Variants in RPS6KA2 observed in about 807,000 individuals in gnomAD.
The protein encoded by RPS6KA2 is ribosomal protein S6 kinase alpha-2.
Under a neutral mutation model 91.8 loss-of-function variants are expected in RPS6KA2, and 42 were observed. That is an observed-to-expected ratio of 0.46 (90% CI 0.36 to 0.59). RPS6KA2 has a LOEUF of 0.59. Ranked by LOEUF, RPS6KA2 falls within the 20% of genes least tolerant of loss-of-function variation. The pLI is 0.00. For missense variants in RPS6KA2, 798 were observed against 978.5 expected (o/e 0.82, Z 2.46); for synonymous variants, 414 against 393.6 (o/e 1.05, Z -0.61).
At chr6:166,638,343 G>T (rs1346701798) in intron 2 of RPS6KA2, among the ~76,000 whole-genome samples, 1 of 152,220 alleles carries the variant, frequency 6.6e-6, no homozygotes, top group Non-Finnish European at 1.5e-5. Flanking sequence ...CCAGGAGAGA[G>T]CAGTGAATGT....
At chr6:166,424,967 A>G (rs1778855247) in intron 16 of RPS6KA2, among the ~76,000 whole-genome samples, 1 of 152,246 alleles carries the variant, frequency 6.6e-6, no homozygotes, top group South Asian at 2.1e-4. Context: ...ACAACTGAAA[A>G]GATGCAGATA....
In RPS6KA2 at chr6:166,825,124, C is replaced by T. The variant is rs1202621; in HGVS notation, c.123+33076G>A. On this transcript the variant is annotated intron_variant, in intron 2 of 21. Transcript: ENST00000503859. The surrounding 1 kb of genome is among the most constrained non-coding windows in gnomAD (Gnocchi z 4.1). ...CCTCTAAAAACCCTTTTACAAATGT[C>T]GCTTTCATGATCAGGAATCCATTTC... is the stretch of plus-strand genomic sequence containing the variant. Among the ~76,000 whole-genome samples the T allele has an allele frequency of 6.6e-6, 1 of 152,040 alleles. No homozygotes were observed. The highest frequency in any genetic ancestry group is 1.5e-5 in the Non-Finnish European group (1 of 68,004).
Position 166,660,231 on chromosome 6 carries a change from C to T in RPS6KA2, c.124-121447G>A, listed in dbSNP as rs1788121799. ...AACTAAAGAATCCATAATTGTACTGCCCATAAGTAATCAGTGCTATTGTTC... is the reference window on the plus strand; with the variant it reads ...AACTAAAGAATCCATAATTGTACTGTCCATAAGTAATCAGTGCTATTGTTC... On this transcript the variant is annotated intron_variant, in intron 2 of 21. Transcript: ENST00000503859. Among the ~76,000 whole-genome samples, 3 of 152,234 alleles carry T rather than the reference C, an allele frequency of 2.0e-5. No individual in the cohort carries two copies. In the East Asian group the frequency reaches 5.8e-4, roughly 29 times the overall value.
At chr6:166,656,446 C>T (rs1243906735) in intron 2 of RPS6KA2, among the ~76,000 whole-genome samples, 2 of 152,200 alleles carry the variant, frequency 1.3e-5, no homozygotes, top group Non-Finnish European at 2.9e-5. Flanking sequence ...CCTCCCCTGC[C>T]CTGCCTGAGT....
intron 8 of RPS6KA2, among the ~76,000 whole-genome samples, chr6:166,496,759 G>T (rs374405920): frequency 6.6e-6 from 1 of 152,226 alleles, no homozygotes; most frequent in Non-Finnish European, 1.5e-5. Context: ...GCCCTTTCAG[G>T]GAGCCTGGAT....
intron 1 of RPS6KA2, among the ~76,000 whole-genome samples, chr6:166,550,138 T>A (rs1018091261): frequency 1.3e-5 from 2 of 152,210 alleles, no homozygotes; most frequent in African/African-American, 4.8e-5. Context: ...AGTGATAGTA[T>A]TAGAAAATAT....
chr6:166,631,991 G>A (rs1787093333), upstream of RPS6KA2, among the ~76,000 whole-genome samples: 2 of 152,266 alleles, frequency 1.3e-5, no homozygotes, highest in Non-Finnish European at 2.9e-5. Flanking sequence ...GCTCCTCTCC[G>A]CACATTTCCA....
At chr6:166,773,498 T>C (rs971943321) in intron 2 of RPS6KA2, among the ~76,000 whole-genome samples, 29 of 152,232 alleles carry the variant, frequency 1.9e-4, no homozygotes, top group African/African-American at 7.0e-4. Context: ...GCCCCCCAGG[T>C]TCCAGTGATT....
At chr6:166,778,760 C>G (rs1282126970) in intron 2 of RPS6KA2, among the ~76,000 whole-genome samples, 1 of 152,244 alleles carries the variant, frequency 6.6e-6, no homozygotes, top group East Asian at 1.9e-4. Context: ...GAGTGAAACT[C>G]TATCAAAAAA....
intron 2 of RPS6KA2, among the ~76,000 whole-genome samples, chr6:166,830,138 A>AGAAAGAAAG (rs1383896028): frequency 1.1e-3 from 148 of 129,062 alleles, no homozygotes; most frequent in African/African-American, 4.1e-3. Flanking sequence ...AAAAAAAAAA[A>AGAAAGAAAG]AAAGAAAGAA....
At chr6:166,719,559 T>C (rs1350009643) in intron 2 of RPS6KA2, among the ~76,000 whole-genome samples, 2 of 152,240 alleles carry the variant, frequency 1.3e-5, no homozygotes, top group Non-Finnish European at 2.9e-5. Context: ...GATGTATCTA[T>C]GAAAATACAT....
At chr6:166,772,857 C>G (rs1404338367) in intron 2 of RPS6KA2, among the ~76,000 whole-genome samples, 1 of 152,190 alleles carries the variant, frequency 6.6e-6, no homozygotes, top group Non-Finnish European at 1.5e-5. Context: ...CTTCTCACTT[C>G]CTGGACTCTC....
chr6:166,786,692 A>G (rs769485045), intron 2 of RPS6KA2, among the ~76,000 whole-genome samples: 12 of 152,198 alleles, frequency 7.9e-5, no homozygotes, highest in Non-Finnish European at 1.3e-4. Flanking sequence ...CACAGGAGGA[A>G]AAAAATGCTT....
intron 1 of RPS6KA2, among the ~76,000 whole-genome samples, chr6:166,590,472 AG>A (rs1785318945): frequency 6.6e-6 from 1 of 152,216 alleles, no homozygotes; most frequent in Non-Finnish European, 1.5e-5. Flanking sequence ...AGCATGACTT[AG>A]GGTGAGAACC....
intron 3 of RPS6KA2, among the ~76,000 whole-genome samples, chr6:166,515,318 G>A (rs887159736): frequency 1.3e-5 from 2 of 152,328 alleles, no homozygotes; most frequent in South Asian, 2.1e-4. Context: ...TGAGGACATC[G>A]CTCATCCCCC....
chr6:166,503,944 G>T (rs1006462685), intron 6 of RPS6KA2, among the ~76,000 whole-genome samples: 26 of 152,312 alleles, frequency 1.7e-4, no homozygotes, highest in African/African-American at 6.3e-4. Context: ...TTGTCTTTTA[G>T]GTAAGTTCTT....
chr6:166,648,030 A>G lies in RPS6KA2; in HGVS notation c.124-109246T>C, dbSNP rs199907425. Among the ~76,000 whole-genome samples, 1,409 of 140,664 alleles carry G rather than the reference A, an allele frequency of 0.01. 61 individuals are homozygous for G. In the South Asian group the frequency reaches 0.11, roughly 11 times the overall value. The allele number at this position is 140,664 out of a possible 152,430, so 92.3% of individuals were successfully genotyped here. On this transcript the variant is annotated intron_variant, in intron 2 of 21. Transcript: ENST00000503859. The surrounding 1 kb of genome is among the most constrained non-coding windows in gnomAD (Gnocchi z 4.8). ...CGCACATGCTTACACACATACATACACACATGCTCTCACACACATGCACAT... is the reference window on the plus strand; with the variant it reads ...CGCACATGCTTACACACATACATACGCACATGCTCTCACACACATGCACAT...
At chr6:166,556,679 C>G (rs1268179374) in intron 1 of RPS6KA2, among the ~76,000 whole-genome samples, 3 of 152,122 alleles carry the variant, frequency 2.0e-5, no homozygotes, top group South Asian at 2.1e-4. Context: ...CCTTTCCCAC[C>G]ACAATAATAA....
rs191307992 is a variant in RPS6KA2 at position 166,591,183 on chromosome 6, C to T, written c.99+35738G>A. On this transcript the variant is annotated intron_variant, in intron 1 of 20. Coordinates refer to ENST00000265678, the MANE Select transcript of RPS6KA2 (RefSeq NM_021135.6). ...AGATGCAGGTGATGGAAAAGGCCAGCGTGCAAGGACTCAGCAAACACACCC... is the reference window on the plus strand; with the variant it reads ...AGATGCAGGTGATGGAAAAGGCCAGTGTGCAAGGACTCAGCAAACACACCC... Among the ~76,000 whole-genome samples, 28 of 152,340 alleles carry T rather than the reference C, an allele frequency of 1.8e-4. No individual in the cohort carries two copies. The East Asian group carries it at 5.0e-3, about 27-fold the overall frequency.
Sources: gnomAD v4.1 joint callset for allele counts (sites outside exome capture counted in the v4.1 genomes callset) on GRCh38, gnomAD v4.1.1 for gene constraint, Gnocchi (gnomAD v3.1) non-coding constraint, MANE v1.5 for transcripts, NCBI Gene and HGNC (gene_info 2026-07-23, HGNC 2026-07-21) for gene names.